RBM44: variants seen among roughly 807,000 people sequenced by gnomAD.
The protein encoded by RBM44 is RNA binding motif protein 44, also known as RNA-binding protein 44.
RBM44 carries 66 observed loss-of-function variants against 105.1 expected under a neutral mutation model. That is an observed-to-expected ratio of 0.63 (90% CI 0.52 to 0.77). The LOEUF is 0.77. RBM44 is among the 30% of genes least tolerant of loss of function. The pLI is 0.00. For synonymous variants in RBM44, 365 were observed against 417.6 expected (o/e 0.87, Z 1.54); for missense variants, 1,122 against 1,207.8 (o/e 0.93, Z 1.05).
Position 237,821,143 on chromosome 2 carries a change from T to G in RBM44, c.1986T>G (p.Val662=), listed in dbSNP as rs1326807020. 3.7e-6 allele frequency: 6 copies of G among 1,611,286 alleles called. No homozygotes were observed. The highest frequency in any genetic ancestry group is 5.1e-6 in the Non-Finnish European group (6 of 1,178,612). The change falls in exon 6 of 16, where the codon GTT becomes GTG. Residue 662 remains valine, a synonymous_variant. Transcript: ENST00000316997. The part of the protein sequence containing the change: ...ALLSLLGDLK[V]RYVTLKEKIH... ...TGTCTCTTTTGGGGGACTTAAAAGT[T>G]AGATATGTGACTTTGAAAGAAAAAA... is the stretch of plus-strand genomic sequence containing the variant.
intron 13 of RBM44, among the ~76,000 whole-genome samples, chr2:237,833,161 T>C (rs570162870): frequency 9.2e-4 from 140 of 152,232 alleles, no homozygotes; most frequent in African/African-American, 3.3e-3. Flanking sequence ...AAAGCAACAA[T>C]GAACAAAAGA....
intron 12 of RBM44, among the ~76,000 whole-genome samples, chr2:237,828,176 A>G (rs2061867208): frequency 6.6e-6 from 1 of 152,186 alleles, no homozygotes; most frequent in African/African-American, 2.4e-5. Flanking sequence ...GATCATTCAA[A>G]AGTATTAAAT....
chr2:237,836,648 C>T (rs772590405), intron 15 of RBM44, among the ~76,000 whole-genome samples: 12 of 151,970 alleles, frequency 7.9e-5, no homozygotes, highest in East Asian at 1.9e-4. Flanking sequence ...GGCGTGGTGG[C>T]GTGCACCTAT....
intron 15 of RBM44, among the ~76,000 whole-genome samples, chr2:237,840,020 C>G (rs909635180): frequency 1.3e-5 from 2 of 152,018 alleles, no homozygotes; most frequent in Non-Finnish European, 2.9e-5. Flanking sequence ...GAAACCCCAT[C>G]TCCACAAAAA....
At chr2:237,826,538 A>G (rs185954493) in intron 10 of RBM44, among the ~76,000 whole-genome samples, 4 of 152,198 alleles carry the variant, frequency 2.6e-5, no homozygotes, top group East Asian at 3.9e-4. Flanking sequence ...ATATTGCCCA[A>G]TTAAAAGGTT....
rs1204999180 is a variant in RBM44, at chr2:237,842,763, T to C, written c.*947T>C. On this transcript the variant is annotated 3_prime_UTR_variant, in exon 16 of 16. Transcript: ENST00000316997. ...GACTAAAAATTAGCCCTTTAACGTT[T>C]ATATTTGTTGTATTTATATTTAATA... The C allele has an allele frequency of 1.3e-5, 2 of 152,132 alleles. No homozygotes were observed. The highest frequency in any genetic ancestry group is 2.9e-5 in the Non-Finnish European group (2 of 67,984). 9.4% of individuals were successfully genotyped at this position (152,132 alleles called of 1,614,324 possible).
In RBM44 at chr2:237,818,395, T is replaced by A. The variant is rs1274473768; in HGVS notation, c.1476T>A (p.Ser492=). 1 of 1,606,120 alleles carries A rather than the reference T, an allele frequency of 6.2e-7. No homozygotes were observed. The highest frequency in any genetic ancestry group is 1.1e-5 in the South Asian group (1 of 90,852). Residue 492 remains serine, a synonymous_variant, in exon 3 of 16, where the codon TCT becomes TCA. Coordinates refer to ENST00000316997, the MANE Select transcript of RBM44 (RefSeq NM_001080504.3). This position sits in a 1 kb window ranked among gnomAD's most constrained non-coding sequence, Gnocchi z 4.6. The part of the protein sequence containing the change: ...RATSARPSVV[S]TSSNTEITMM... The stretch of plus-strand genomic sequence containing the variant: ...CAAGTGCAAGACCTTCTGTAGTATC[T>A]ACATCAAGCAACACAGAGATAACAA...
In RBM44 at chr2:237,827,626, C is replaced by T. The variant is rs2061861432; in HGVS notation, c.2600+123C>T. The T allele has an allele frequency of 4.7e-6, 3 of 643,362 alleles. No homozygotes were observed. The highest frequency in any genetic ancestry group is 8.2e-6 in the Non-Finnish European group (3 of 364,974). 39.9% of individuals were successfully genotyped at this position (643,362 alleles called of 1,614,324 possible). A position where few individuals can be genotyped will look rare whatever the true frequency, so the allele number is the denominator to read the frequency against. The stretch of plus-strand genomic sequence containing the variant: ...GGTTATTCTCACAGGGTTTCACAGG[C>T]CAGGGAAGGGGACATAGGGACAAAT... On this transcript the variant is annotated intron_variant, in intron 12 of 15. Coordinates refer to ENST00000316997, the MANE Select transcript of RBM44 (RefSeq NM_001080504.3).
At position 237,818,917 on chromosome 2, in the gene RBM44, GA is replaced by G; in HGVS notation, c.1698del (p.Ala567HisfsTer7). The G allele has an allele frequency of 6.8e-7, 1 of 1,480,054 alleles. No individual in the cohort carries two copies. The highest frequency in any genetic ancestry group is 1.3e-5 in the South Asian group (1 of 78,906). 91.7% of individuals were successfully genotyped at this position (1,480,054 alleles called of 1,614,324 possible). ...NFLNKDFLEL[R>X]KACGITDLKK... ...TATTTTCAGGATTTCCTGGAATTAA[GA>G]AAAGCATGTGGTATCACAGACCTAA... On this transcript the variant is annotated frameshift_variant, in exon 4 of 16. Transcript: ENST00000316997. LOFTEE classifies it high-confidence loss of function. This position sits in a 1 kb window ranked among gnomAD's most constrained non-coding sequence, Gnocchi z 4.6.
chr2:237,809,383 CCTTT>C (rs147240879), intron 1 of RBM44, among the ~76,000 whole-genome samples: 29 of 152,150 alleles, frequency 1.9e-4, no homozygotes, highest in Non-Finnish European at 3.7e-4. Context: ...CCGACTGTCT[CCTTT>C]CTTTGTTTCC....
In RBM44 at chr2:237,841,054, C is replaced by T. The variant is rs2150994504; in HGVS notation, c.*23-785C>T. 6.6e-6 allele frequency among the ~76,000 whole-genome samples: 1 copy of T among 152,344 alleles called. No individual in the cohort carries two copies. Among genetic ancestry groups the T allele is most frequent in the Admixed American group, 6.5e-5 (1 of 15,306 alleles). Reference sequence around the variant, plus strand: ...AAAACAGAACTACCATTCGGGCCAGCAATCCCATTGTTGAGTATATGCCCA... The same window carrying T: ...AAAACAGAACTACCATTCGGGCCAGTAATCCCATTGTTGAGTATATGCCCA... On this transcript the variant is annotated intron_variant, in intron 15 of 15. Transcript: ENST00000316997. The surrounding 1 kb of genome is among the most constrained non-coding windows in gnomAD (Gnocchi z 4.5).
At chr2:237,834,878 C>T in intron 15 of RBM44, 1 of 152,790 alleles carries the variant, frequency 6.5e-6, no homozygotes, top group South Asian at 2.1e-4. Flanking sequence ...AGCTGGCTTC[C>T]CCTAAGCAAG....
rs2061728207 is a variant in RBM44 at position 237,817,229 on chromosome 2, G to A, written c.310G>A (p.Asp104Asn). 6.2e-7 allele frequency: 1 copy of A among 1,604,418 alleles called. No individual in the cohort carries two copies. Among genetic ancestry groups the A allele is most frequent in the Non-Finnish European group, 8.5e-7 (1 of 1,176,362 alleles). ...GTCAAGTGAACTTGAAGACAGTACT[G>A]ACTATGCTTTCTTGAATAAAACATA... Reference protein sequence around the residue: ...FQSSELEDSTDYAFLNKTYSI... With the variant: ...FQSSELEDSTNYAFLNKTYSI... The change falls in exon 3 of 16, where the codon GAC becomes AAC. Residue 104 changes from aspartate to asparagine, a missense_variant. By Grantham distance (23) the Asp-to-Asn change is conservative. Transcript: ENST00000316997.
chr2:237,830,790 A>G (rs75948970), intron 13 of RBM44, among the ~76,000 whole-genome samples: 4,024 of 152,158 alleles, frequency 0.026, 184 homozygotes, highest in African/African-American at 0.092. Flanking sequence ...CACTGTCTTC[A>G]TTACTGTAGC....
At chr2:237,829,831 T>C (rs1312969395) in intron 13 of RBM44, among the ~76,000 whole-genome samples, 1 of 152,222 alleles carries the variant, frequency 6.6e-6, no homozygotes, top group Non-Finnish European at 1.5e-5. Context: ...CTTTATCTCA[T>C]AATTGTTAAA....
chr2:237,828,070 T>C (rs1282889209), intron 12 of RBM44, among the ~76,000 whole-genome samples: 1 of 152,190 alleles, frequency 6.6e-6, no homozygotes, highest in Non-Finnish European at 1.5e-5. Context: ...ACTTTTTAGT[T>C]GACACTTTTT....
chr2:237,819,906 C>T (rs1317397760), intron 4 of RBM44, among the ~76,000 whole-genome samples: 3 of 151,770 alleles, frequency 2.0e-5, no homozygotes, highest in Admixed American at 6.6e-5. Flanking sequence ...CCAGAATAAA[C>T]AATTCTCAAA....
At position 237,821,758 on chromosome 2, in the gene RBM44, T is replaced by C; in HGVS notation, c.2136T>C (p.Asp712=). The C allele has an allele frequency of 6.2e-7, 1 of 1,610,372 alleles. No homozygotes were observed. Among genetic ancestry groups the C allele is most frequent in the Non-Finnish European group, 8.5e-7 (1 of 1,177,498 alleles). The change falls in exon 8 of 16, where the codon GAT becomes GAC. Residue 712 remains aspartate, a synonymous_variant. Transcript: ENST00000316997. ...TTCTTTTTAGCTTTTCAGAAGCAGA[T>C]GCTGAACAAGATAATCAGAGGGCTC... is the stretch of plus-strand genomic sequence containing the variant. ...KKETHVFSEA[D]AEQDNQRAHD...
Position 237,826,189 on chromosome 2 carries a change from A to G in RBM44, c.2450-1061A>G, listed in dbSNP as rs542580347. 5.8e-4 allele frequency among the ~76,000 whole-genome samples: 89 copies of G among 152,140 alleles called. 3 individuals carry two copies. In the South Asian group the frequency reaches 0.018, roughly 31 times the overall value. ...TTAATGAAAAAAATAAAATTTCCAC[A>G]TCTCCCATTACTATATAAAAATTAT... On this transcript the variant is annotated intron_variant, in intron 10 of 15. Coordinates refer to ENST00000316997, the MANE Select transcript of RBM44 (RefSeq NM_001080504.3).
Sources: allele counts gnomAD v4.1 joint callset (sites outside exome capture counted in the v4.1 genomes callset), GRCh38; gene constraint gnomAD v4.1.1; non-coding constraint Gnocchi (gnomAD v3.1); transcripts MANE v1.5; gene names NCBI Gene and HGNC (gene_info 2026-07-23, HGNC 2026-07-21).